Variants in HSD17B12 observed in about 807,000 individuals in gnomAD.
HSD17B12 encodes hydroxysteroid 17-beta dehydrogenase 12.
Under a neutral mutation model 39.3 loss-of-function variants are expected in HSD17B12, and 32 were observed. That is an observed-to-expected ratio of 0.81 (90% CI 0.61 to 1.09). The LOEUF (loss-of-function observed/expected upper bound fraction) is 1.09. Among genes scored for constraint, HSD17B12 ranks in the 50% least tolerant of loss-of-function variants. The pLI, the probability that HSD17B12 is intolerant of heterozygous loss-of-function variation, is 0.00. For missense variants in HSD17B12, 342 were observed against 382.9 expected (o/e 0.89, Z 0.89); for synonymous variants, 150 against 146.7 (o/e 1.02, Z -0.16).
intron 9 of HSD17B12, among the ~76,000 whole-genome samples, chr11:43,845,672 G>A (rs1421660437): frequency 4.6e-5 from 7 of 152,094 alleles, no homozygotes; most frequent in South Asian, 2.1e-4. Flanking sequence ...ATGTTGTGTC[G>A]TCAGGGCCTC....
the HSD17B12 span, among the ~76,000 whole-genome samples, chr11:43,626,137 C>T: frequency 3.3e-5 from 5 of 151,058 alleles, no homozygotes; most frequent in Non-Finnish European, 5.9e-5. Flanking sequence ...TTTTAAAACC[C>T]GGTATTATAT....
chr11:43,696,850 T>C (rs1233627649), intron 1 of HSD17B12, among the ~76,000 whole-genome samples: 1 of 152,180 alleles, frequency 6.6e-6, no homozygotes, highest in East Asian at 1.9e-4. Flanking sequence ...AATGAGATCA[T>C]GTCCTTTACA....
At chr11:43,602,826 G>A in the HSD17B12 span, among the ~76,000 whole-genome samples, 1 of 151,936 alleles carries the variant, frequency 6.6e-6, no homozygotes, top group East Asian at 1.9e-4. Flanking sequence ...GATTGAGGTA[G>A]AAGTTTGAAT....
intron 1 of HSD17B12, among the ~76,000 whole-genome samples, chr11:43,710,073 G>A (rs1950050742): frequency 1.3e-5 from 2 of 152,204 alleles, no homozygotes; most frequent in Non-Finnish European, 2.9e-5. Context: ...ATGGTTTTGT[G>A]TTGGTGGAAA....
rs3978757 is a variant in HSD17B12, at chr11:43,817,028, C to A, written c.501+637C>A. Reference sequence around the variant, plus strand: ...TCTATATCTATATCTATATCTATATCTATATCTATATCTATATATATATAT... The same window carrying A: ...TCTATATCTATATCTATATCTATATATATATCTATATCTATATATATATAT... On this transcript the variant is annotated intron_variant, in intron 6 of 10. Transcript: ENST00000278353. Among the ~76,000 whole-genome samples the A allele has an allele frequency of 6.5e-3, 131 of 20,120 alleles. 2 individuals are homozygous for A. Among genetic ancestry groups the A allele is most frequent in the Middle Eastern group, 0.033 (1 of 30 alleles). The allele number at this position is 20,120 out of a possible 152,430, so 13.2% of individuals were successfully genotyped here. A position where few individuals can be genotyped will look rare whatever the true frequency, so the allele number is the denominator to read the frequency against.
the HSD17B12 span, among the ~76,000 whole-genome samples, chr11:43,624,077 A>G: frequency 6.6e-6 from 1 of 151,934 alleles, no homozygotes; most frequent in Non-Finnish European, 1.5e-5. Context: ...TCTTCTACCT[A>G]AAAAGAAGAT....
At chr11:43,642,450 GA>G in the HSD17B12 span, among the ~76,000 whole-genome samples, 2 of 151,062 alleles carry the variant, frequency 1.3e-5, no homozygotes, top group East Asian at 1.9e-4. Flanking sequence ...ACCGTTAAAA[GA>G]AAAAAAATGA....
At chr11:43,729,830 A>T (rs1950252747) in intron 1 of HSD17B12, among the ~76,000 whole-genome samples, 1 of 152,248 alleles carries the variant, frequency 6.6e-6, no homozygotes, top group African/African-American at 2.4e-5. Flanking sequence ...TTCACAGAAG[A>T]AATAAAAGTC....
chr11:43,610,519 T>C, the HSD17B12 span, among the ~76,000 whole-genome samples: 2 of 152,162 alleles, frequency 1.3e-5, no homozygotes, highest in Non-Finnish European at 2.9e-5. Flanking sequence ...AAAATATGGA[T>C]TCAAACTCTG....
At position 43,734,376 on chromosome 11, in the gene HSD17B12, C is replaced by T. The variant is rs1348227209; in HGVS notation, c.161-16535C>T. ...GAAAAGGCTGAGCAGAGGAAAAAGG[C>T]GGCCATCATCTCTGCTGAGGGTGAC... is the stretch of plus-strand genomic sequence containing the variant. On this transcript the variant is annotated intron_variant, in intron 1 of 10. Coordinates refer to ENST00000278353, the MANE Select transcript of HSD17B12 (RefSeq NM_016142.3). 115 of 864,800 alleles carry T rather than the reference C, an allele frequency of 1.3e-4. 2 individuals carry two copies. The East Asian group carries it at 2.0e-3, about 15-fold the overall frequency. 53.6% of individuals were successfully genotyped at this position (864,800 alleles called of 1,614,324 possible).
the HSD17B12 span, among the ~76,000 whole-genome samples, chr11:43,566,767 A>G: frequency 2.7e-4 from 41 of 152,298 alleles, no homozygotes; most frequent in African/African-American, 9.4e-4. Flanking sequence ...TGACCTCATG[A>G]TCCACCTGCC....
At chr11:43,714,205 A>G (rs547879995) in intron 1 of HSD17B12, among the ~76,000 whole-genome samples, 162 of 152,322 alleles carry the variant, frequency 1.1e-3, no homozygotes, top group Non-Finnish European at 1.9e-3. Context: ...GCCCATGCCT[A>G]TGTCCTGAAT....
chr11:43,626,173 T>C, the HSD17B12 span, among the ~76,000 whole-genome samples: 2 of 151,654 alleles, frequency 1.3e-5, no homozygotes, highest in Admixed American at 1.3e-4. Context: ...TTGGAAATTA[T>C]ACATTCTGGA....
chr11:43,619,229 A>ATATATATATATAAATATATATATATATT, the HSD17B12 span, among the ~76,000 whole-genome samples: 1 of 12,428 alleles, frequency 8.0e-5, no homozygotes, highest in African/African-American at 2.3e-4. Flanking sequence ...TATATATATG[A>ATATATATATATAAATATATATATATATT]TATATATATA....
chr11:43,688,729 T>C (rs1390079268), intron 1 of HSD17B12, among the ~76,000 whole-genome samples: 2 of 152,192 alleles, frequency 1.3e-5, no homozygotes, highest in Non-Finnish European at 2.9e-5. Flanking sequence ...AACAAACAGA[T>C]TGGCTTTGGA....
At chr11:43,578,290 T>A in the HSD17B12 span, among the ~76,000 whole-genome samples, 2 of 152,178 alleles carry the variant, frequency 1.3e-5, no homozygotes, top group Admixed American at 6.5e-5. Context: ...CTCTGCTTCA[T>A]TCACCCCTTC....
chr11:43,775,205 C>T (rs562282093), intron 3 of HSD17B12, among the ~76,000 whole-genome samples: 1 of 152,286 alleles, frequency 6.6e-6, no homozygotes, highest in Admixed American at 6.5e-5. Flanking sequence ...GAAAGTGGCG[C>T]CTGAGCCTTA....
chr11:43,855,351 G>C lies in HSD17B12; in HGVS notation c.*103G>C, dbSNP rs549013875. On this transcript the variant is annotated 3_prime_UTR_variant, in exon 11 of 11. Transcript: ENST00000278353. ...AAAATCTGACCTTGTCATTTCAATAGTTATTAACATGACTAAATATTATCT... is the reference window on the plus strand; with the variant it reads ...AAAATCTGACCTTGTCATTTCAATACTTATTAACATGACTAAATATTATCT... The C allele has an allele frequency of 6.7e-6, 4 of 596,178 alleles. No homozygotes were observed. The South Asian group carries it at 1.1e-4, about 16-fold the overall frequency. The allele number at this position is 596,178 out of a possible 1,614,324, so 36.9% of individuals were successfully genotyped here.
At chr11:43,832,379 A>T (rs1239824847) in intron 7 of HSD17B12, among the ~76,000 whole-genome samples, 2 of 152,244 alleles carry the variant, frequency 1.3e-5, no homozygotes, top group Non-Finnish European at 2.9e-5. Context: ...ATTTTTAATT[A>T]TGTTGATGAA....
Sources: allele counts gnomAD v4.1 joint callset (sites outside exome capture counted in the v4.1 genomes callset), GRCh38; gene constraint gnomAD v4.1.1; transcripts MANE v1.5; gene names NCBI Gene and HGNC (gene_info 2026-07-23, HGNC 2026-07-21).